PRKCH: variants seen among roughly 807,000 people sequenced by gnomAD.
PRKCH encodes the protein protein kinase C eta type.
In PRKCH, 28 loss-of-function variants were observed where a neutral mutation model predicts 82.5. That is an observed-to-expected ratio of 0.34 (90% CI 0.25 to 0.47). The LOEUF (loss-of-function observed/expected upper bound fraction) is 0.47, where lower values mean the gene tolerates loss of function less well. Among genes scored for constraint, PRKCH ranks in the 20% least tolerant of loss-of-function variants. The pLI, the probability that PRKCH is intolerant of heterozygous loss-of-function variation, is 1.00. For synonymous variants in PRKCH, 322 were observed against 327.4 expected (o/e 0.98, Z 0.18); for missense variants, 705 against 881.8 (o/e 0.80, Z 2.54).
intron 1 of PRKCH, among the ~76,000 whole-genome samples, chr14:61,218,327 C>T (rs551754230): frequency 5.3e-5 from 8 of 152,242 alleles, no homozygotes; most frequent in Non-Finnish European, 7.4e-5. Context: ...AACACTGTGC[C>T]GTGCAGGTAA....
intron 1 of PRKCH, among the ~76,000 whole-genome samples, chr14:61,214,527 A>C (rs1415075865): frequency 6.6e-6 from 1 of 152,144 alleles, no homozygotes; most frequent in Non-Finnish European, 1.5e-5. Flanking sequence ...AATACCATAG[A>C]CTAGGTGACT....
intron 12 of PRKCH, among the ~76,000 whole-genome samples, chr14:61,546,379 T>C (rs2043257857): frequency 6.6e-6 from 1 of 152,208 alleles, no homozygotes; most frequent in African/African-American, 2.4e-5. Flanking sequence ...GGCCTTTAAT[T>C]CCTGTTACTA....
chr14:61,267,125 A>G (rs1334731549), intron 1 of PRKCH, among the ~76,000 whole-genome samples: 4 of 152,226 alleles, frequency 2.6e-5, no homozygotes, highest in African/African-American at 9.7e-5. Context: ...TACGTTCACA[A>G]TAATGGAAGA....
chr14:61,255,577 A>AAAT (rs774628799), intron 1 of PRKCH, among the ~76,000 whole-genome samples: 37 of 152,204 alleles, frequency 2.4e-4, no homozygotes, highest in Non-Finnish European at 1.0e-4. Flanking sequence ...ATACAGATTA[A>AAAT]AATAATAATA....
chr14:61,245,707 G>T (rs1330697277), intron 1 of PRKCH, among the ~76,000 whole-genome samples: 1 of 152,204 alleles, frequency 6.6e-6, no homozygotes, highest in African/African-American at 2.4e-5. Flanking sequence ...AGGACAGAGA[G>T]CCCATCTGAA....
rs190787066 is a variant in PRKCH, at chr14:61,334,898, C to T, written c.363+12434C>T. ...TATTTAATTTTTTTAGATATGGGCT[C>T]GCCATGTTACCCAGGCTGGTCTTGA... On this transcript the variant is annotated intron_variant, in intron 1 of 13. Transcript: ENST00000332981. Among the ~76,000 whole-genome samples, 7 of 151,980 alleles carry T rather than the reference C, an allele frequency of 4.6e-5. No individual in the cohort carries two copies. In the East Asian group the frequency reaches 1.2e-3, roughly 25 times the overall value.
At chr14:61,443,029 T>G in intron 2 of PRKCH, 82 bp from the exon 3 acceptor site, 1 of 1,368,834 alleles carries the variant, frequency 7.3e-7, no homozygotes, top group Non-Finnish European at 1.0e-6. Flanking sequence ...GAGTGAGCAC[T>G]TGAACTATCA....
At chr14:61,346,139 TC>T (rs1034984662) in intron 1 of PRKCH, among the ~76,000 whole-genome samples, 3 of 152,106 alleles carry the variant, frequency 2.0e-5, no homozygotes, top group African/African-American at 7.2e-5. Context: ...AGATGACAGC[TC>T]CCCAAATGGA....
chr14:61,331,567 C>T (rs1407470783), intron 1 of PRKCH, among the ~76,000 whole-genome samples: 3 of 152,124 alleles, frequency 2.0e-5, no homozygotes, highest in Non-Finnish European at 2.9e-5. Flanking sequence ...CTTTTTATTT[C>T]GTTATACAAC....
chr14:61,414,865 C>G (rs939952593), intron 2 of PRKCH, among the ~76,000 whole-genome samples: 1 of 152,084 alleles, frequency 6.6e-6, no homozygotes, highest in Admixed American at 6.6e-5. Context: ...AAAAGCATTC[C>G]CCCTCTGCCA....
chr14:61,329,509 G>A (rs1279443693), intron 1 of PRKCH, among the ~76,000 whole-genome samples: 1 of 152,072 alleles, frequency 6.6e-6, no homozygotes, highest in East Asian at 1.9e-4. Context: ...GTGCTGGGAT[G>A]CAGGCATGAG....
chr14:61,391,386 TAAG>T, intron 2 of PRKCH, 98 bp downstream of exon 2: 1 of 1,051,592 alleles, frequency 9.5e-7, no homozygotes, highest in Non-Finnish European at 1.4e-6. Context: ...GAGCATGTTG[TAAG>T]AGATGCTTAA....
chr14:61,466,856 C>T (rs570250146), intron 9 of PRKCH, among the ~76,000 whole-genome samples: 3 of 152,278 alleles, frequency 2.0e-5, no homozygotes, highest in African/African-American at 7.2e-5. Flanking sequence ...GAGTTCCTGG[C>T]AGGACCATAG....
intron 2 of PRKCH, 24 bp downstream of exon 2, chr14:61,391,312 T>A (rs377655627): frequency 6.4e-7 from 1 of 1,567,494 alleles, no homozygotes; most frequent in Admixed American, 1.8e-5. Flanking sequence ...TTGGGTAGTT[T>A]CCAGAATACA....
chr14:61,368,321 A>G (rs181878405), intron 1 of PRKCH, among the ~76,000 whole-genome samples: 1,858 of 140,946 alleles, frequency 0.013, 19 homozygotes, highest in Middle Eastern at 0.061. Context: ...TAGTCATGGG[A>G]AAAAAAAAAA....
chr14:61,467,165 G>A (rs113399338), intron 9 of PRKCH, among the ~76,000 whole-genome samples: 3 of 152,318 alleles, frequency 2.0e-5, no homozygotes, highest in African/African-American at 7.2e-5. Context: ...ATTTTCCCAG[G>A]CAGGGAACTG....
At chr14:61,494,707 G>C (rs1886590276) in intron 10 of PRKCH, among the ~76,000 whole-genome samples, 1 of 152,160 alleles carries the variant, frequency 6.6e-6, no homozygotes, top group Admixed American at 6.5e-5. Context: ...GGGTTTTCTT[G>C]GTATCCATAG....
chr14:61,374,808 G>C (rs2046410128), intron 1 of PRKCH, among the ~76,000 whole-genome samples: 1 of 151,992 alleles, frequency 6.6e-6, no homozygotes, highest in African/African-American at 2.4e-5. Context: ...GTACTGTGAA[G>C]ATCTTGGAAA....
At chr14:61,356,700 G>C (rs2046155174) in intron 1 of PRKCH, among the ~76,000 whole-genome samples, 1 of 152,158 alleles carries the variant, frequency 6.6e-6, no homozygotes, top group African/African-American at 2.4e-5. Flanking sequence ...TTTTGTTTTT[G>C]AGATGGAGTC....
Sources: gnomAD v4.1 joint callset for allele counts (sites outside exome capture counted in the v4.1 genomes callset) on GRCh38, gnomAD v4.1.1 for gene constraint, MANE v1.5 for transcripts, NCBI Gene and HGNC (gene_info 2026-07-23, HGNC 2026-07-21) for gene names.